Variants in FAM168B observed in about 807,000 individuals in gnomAD.
The protein encoded by FAM168B is family with sequence similarity 168 member B.
FAM168B carries 19 observed loss-of-function variants against 21.8 expected under a neutral mutation model. That is an observed-to-expected ratio of 0.87 (90% CI 0.61 to 1.28). The LOEUF is 1.28. Among genes scored for constraint, FAM168B ranks in the 50% most tolerant of loss-of-function variants. The pLI is 0.00. For synonymous variants in FAM168B, 126 were observed against 104.8 expected, an observed-to-expected ratio of 1.20 and a Z score of -1.24; for missense variants, 233 against 263.1, an observed-to-expected ratio of 0.89 and a Z score of 0.79.
At chr2:131,077,790 T>A (rs557947729) in intron 2 of FAM168B, among the ~76,000 whole-genome samples, 2 of 152,110 alleles carry the variant, frequency 1.3e-5, no homozygotes, top group Non-Finnish European at 2.9e-5. Flanking sequence ...CTTTAAGACA[T>A]ATGTCAAATT....
intron 3 of FAM168B, among the ~76,000 whole-genome samples, chr2:131,071,066 G>C (rs1413328588): frequency 2.0e-5 from 3 of 152,212 alleles, no homozygotes; most frequent in Admixed American, 1.3e-4. Context: ...AAATGGAAAC[G>C]AAGAGATGGA....
At chr2:131,070,277 A>G (rs568028864) in intron 3 of FAM168B, among the ~76,000 whole-genome samples, 5 of 152,374 alleles carry the variant, frequency 3.3e-5, no homozygotes, top group South Asian at 4.1e-4. Context: ...TAAGAAAACA[A>G]TAACTGACAT....
intron 2 of FAM168B, among the ~76,000 whole-genome samples, chr2:131,077,429 C>A (rs1693213701): frequency 6.6e-6 from 1 of 152,280 alleles, no homozygotes; most frequent in South Asian, 2.1e-4. Context: ...CCCAGAGCAC[C>A]CGTGGGCTGG....
chr2:131,085,297 A>G (rs113700142), intron 1 of FAM168B, among the ~76,000 whole-genome samples: 4,836 of 152,266 alleles, frequency 0.032, 109 homozygotes, highest in Non-Finnish European at 0.05. Context: ...AAAACATGTA[A>G]TAAGTAACAA....
At chr2:131,054,202 C>G (rs759546822) in intron 5 of FAM168B, among the ~76,000 whole-genome samples, 48 of 150,016 alleles carry the variant, frequency 3.2e-4, no homozygotes, top group Non-Finnish European at 6.2e-4. Flanking sequence ...GGATGAGACC[C>G]TGTCTTAAAA....
chr2:131,055,671 T>C lies in FAM168B; in HGVS notation c.179A>G (p.Lys60Arg), dbSNP rs1259483263. 1.2e-6 allele frequency: 2 copies of C among 1,613,410 alleles called. No individual in the cohort carries two copies. The highest frequency in any genetic ancestry group is 1.3e-5 in the African/African-American group (1 of 74,796). ...QTGYTPGTPY[K>R]VSCSPTSGAV... ...CCCGCTGGTGGGGGAACAGGACACT[T>C]TGTAAGGTGTGCCAGGAGTGTAACC... is the stretch of plus-strand genomic sequence containing the variant. Residue 60 changes from lysine (K) to arginine (R), a missense_variant, in exon 4 of 7, where the codon AAA (lysine) becomes AGA (arginine). Physicochemically the swap from Lys to Arg is conservative, Grantham distance 26 (BLOSUM62 2). Coordinates refer to ENST00000389915, the MANE Select transcript of FAM168B (RefSeq NM_001009993.4).
At chr2:131,055,498 T>C (rs1691967111) in intron 4 of FAM168B, 49 bp from the exon 5 acceptor site, 2 of 1,600,748 alleles carry the variant, frequency 1.2e-6, no homozygotes, top group Admixed American at 1.8e-5. Context: ...GGCCAAAGGA[T>C]GAACGCCCAG....
chr2:131,074,215 A>G (rs917062450), intron 2 of FAM168B, among the ~76,000 whole-genome samples: 3 of 150,806 alleles, frequency 2.0e-5, no homozygotes, highest in Non-Finnish European at 3.0e-5. Flanking sequence ...TGCAACCTCT[A>G]CCTCCCTGGT....
Position 131,050,497 on chromosome 2 carries a change from C to T in FAM168B, c.*1968G>A. 2 of 985,708 alleles carry T rather than the reference C, an allele frequency of 2.0e-6. No individual in the cohort carries two copies. Among genetic ancestry groups the T allele is most frequent in the Non-Finnish European group, 2.4e-6 (2 of 829,930 alleles). 61.1% of individuals were successfully genotyped at this position (985,708 alleles called of 1,614,324 possible). A position where few individuals can be genotyped will look rare whatever the true frequency, so the allele number is the denominator to read the frequency against. On this transcript the variant is annotated 3_prime_UTR_variant, in exon 7 of 7. Transcript: ENST00000389915. ...TGTGTGCCTGCGGTAAATGTCTGCC[C>T]CCACACATAGACACTAAGATGGATT... is the stretch of plus-strand genomic sequence containing the variant.
intron 1 of FAM168B, among the ~76,000 whole-genome samples, chr2:131,088,939 C>T (rs1693855667): frequency 6.6e-6 from 1 of 151,924 alleles, no homozygotes; most frequent in Admixed American, 6.6e-5. Context: ...GAAACCCAAA[C>T]CCAAGGCTGG....
intron 3 of FAM168B, 69 bp from the exon 4 acceptor site, chr2:131,055,764 G>A: frequency 6.4e-7 from 1 of 1,563,772 alleles, no homozygotes; most frequent in South Asian, 1.2e-5. Context: ...GACACAGGCA[G>A]GGAGGAGCTA....
intron 2 of FAM168B, among the ~76,000 whole-genome samples, chr2:131,081,622 G>C (rs1693437554): frequency 6.6e-6 from 1 of 152,132 alleles, no homozygotes; most frequent in Admixed American, 6.6e-5. Flanking sequence ...TCTCTTTGCT[G>C]AGAGTATCAC....
chr2:131,086,287 T>C (rs1472852853), intron 1 of FAM168B, among the ~76,000 whole-genome samples: 1 of 152,202 alleles, frequency 6.6e-6, no homozygotes, highest in East Asian at 1.9e-4. Flanking sequence ...TATTTCTTAA[T>C]TGAATTCCAG....
intron 2 of FAM168B, among the ~76,000 whole-genome samples, chr2:131,074,884 C>G (rs904616550): frequency 6.6e-6 from 1 of 152,184 alleles, no homozygotes; most frequent in Non-Finnish European, 1.5e-5. Flanking sequence ...TCTGTGGGAA[C>G]AGGAGGCATC....
rs370254460 is a variant in FAM168B at position 131,070,060 on chromosome 2, C to T, written c.154+1795G>A. On this transcript the variant is annotated intron_variant, in intron 3 of 6. Transcript: ENST00000389915. ...TTTTAGTAGAGACGGGGTTTCACCA[C>T]GTTGGCCAGGCTGGTCTCGAACTCC... Among the ~76,000 whole-genome samples the T allele has an allele frequency of 1.2e-3, 187 of 151,486 alleles. 1 individual carries two copies. The highest frequency in any genetic ancestry group is 4.1e-3 in the African/African-American group (168 of 41,326).
intron 3 of FAM168B, among the ~76,000 whole-genome samples, chr2:131,060,047 T>G (rs1257535813): frequency 6.6e-6 from 1 of 151,016 alleles, no homozygotes; most frequent in East Asian, 1.9e-4. Context: ...TTGGATGGAG[T>G]CTCGCTGTCT....
rs984373366 is a variant in FAM168B, at chr2:131,050,876, C to T, written c.*1589G>A. 1 of 985,626 alleles carries T rather than the reference C, an allele frequency of 1.0e-6. No homozygotes were observed. Among genetic ancestry groups the T allele is most frequent in the Non-Finnish European group, 1.2e-6 (1 of 830,210 alleles). 61.1% of individuals were successfully genotyped at this position (985,626 alleles called of 1,614,324 possible). ...CACTGCACTGGGAAGAAGACGCACG[C>T]TCCTGCCCTAGAGGCCGCTGAAAGG... On this transcript the variant is annotated 3_prime_UTR_variant, in exon 7 of 7. Transcript: ENST00000389915.
At chr2:131,065,676 C>A (rs1194712290) in intron 3 of FAM168B, among the ~76,000 whole-genome samples, 1 of 151,706 alleles carries the variant, frequency 6.6e-6, no homozygotes, top group Non-Finnish European at 1.5e-5. Context: ...GTAATTCCAG[C>A]TTCTCAGGAG....
intron 3 of FAM168B, among the ~76,000 whole-genome samples, chr2:131,058,683 C>T (rs1034245115): frequency 6.6e-6 from 1 of 152,128 alleles, no homozygotes; most frequent in African/African-American, 2.4e-5. Flanking sequence ...GCAGATTTTC[C>T]ATTAGGATTT....
Sources: gnomAD v4.1 joint callset for allele counts (sites outside exome capture counted in the v4.1 genomes callset) on GRCh38, gnomAD v4.1.1 for gene constraint, MANE v1.5 for transcripts, NCBI Gene and HGNC (gene_info 2026-07-23, HGNC 2026-07-21) for gene names.